Variants in SLC7A14 observed in about 807,000 individuals in gnomAD.
The protein encoded by SLC7A14 is solute carrier family 7 member 14, also known as gamma-aminobutyric acid transporter SLC7A14.
A neutral mutation model predicts 60.2 loss-of-function variants in SLC7A14; 37 were observed. The observed-to-expected ratio is 0.61, with a 90% CI of 0.47 to 0.81. The LOEUF (loss-of-function observed/expected upper bound fraction) is 0.81, where lower values mean the gene tolerates loss of function less well. Ranked by LOEUF, SLC7A14 falls within the 30% of genes least tolerant of loss-of-function variation. SLC7A14 has a pLI of 0.00. For missense variants in SLC7A14, 886 were observed against 982.7 expected, an observed-to-expected ratio of 0.90 and a Z score of 1.32; for synonymous variants, 399 against 395.8, an observed-to-expected ratio of 1.01 and a Z score of -0.10.
rs1203711561 is a variant in SLC7A14, at chr3:170,462,831, C to T, written c.*4224G>A. ...AAGTTGTTAGGTTTAGTTGTTGAAA[C>T]CTATTGTTGAAAACTTTAAAGTGGC... is the stretch of plus-strand genomic sequence containing the variant. On this transcript the variant is annotated 3_prime_UTR_variant, in exon 8 of 8. Transcript: ENST00000231706. 2.0e-5 allele frequency: 3 copies of T among 152,040 alleles called. No individual in the cohort carries two copies. The highest frequency in any genetic ancestry group is 6.6e-5 in the Admixed American group (1 of 15,266). The allele number at this position is 152,040 out of a possible 1,614,324, so 9.4% of individuals were successfully genotyped here.
rs373517688 is a variant in SLC7A14 at position 170,535,098 on chromosome 3, C to T, written c.-152-8010G>A. On this transcript the variant is annotated intron_variant, in intron 1 of 7. Transcript: ENST00000231706. This position sits in a 1 kb window ranked among gnomAD's most constrained non-coding sequence, Gnocchi z 4.3. ...TTTTCCATGGACCTCAGGTCCGGTG[C>T]CTCAGGTCTTTGCTTGGGGCTAGGT... Among the ~76,000 whole-genome samples the T allele has an allele frequency of 8.3e-4, 127 of 152,130 alleles. No individual in the cohort carries two copies. Among genetic ancestry groups the T allele is most frequent in the African/African-American group, 2.8e-3 (118 of 41,504 alleles).
rs183125725 is a variant in SLC7A14, at chr3:170,559,228, T to C, written c.-153+26683A>G. On this transcript the variant is annotated intron_variant, in intron 1 of 7. Coordinates refer to ENST00000231706, the MANE Select transcript of SLC7A14 (RefSeq NM_020949.3). ...TTTTTTCAGGGGACAAAATATAAAA[T>C]GTATTTTTTTTCTGTTTCAGAGAGG... 2.6e-5 allele frequency among the ~76,000 whole-genome samples: 4 copies of C among 152,328 alleles called. No homozygotes were observed. The East Asian group carries it at 7.7e-4, about 29-fold the overall frequency.
At chr3:170,566,914 C>T (rs1212761005) in intron 1 of SLC7A14, among the ~76,000 whole-genome samples, 1 of 152,034 alleles carries the variant, frequency 6.6e-6, no homozygotes, top group Non-Finnish European at 1.5e-5. Context: ...AAATAGACCA[C>T]CCTGAGAGAT....
In SLC7A14 at chr3:170,467,145, C is replaced by T. The variant is rs111687384; in HGVS notation, c.2226G>A (p.Arg742=). ...QQMSDAKANG[R]TSSKAKSKSK... ...TTTTGCTCTTCGCTTTGCTACTTGT[C>T]CGGCCGTTTGCCTTCGCATCTGACA... The change falls in exon 8 of 8, where the codon CGG becomes CGA. Residue 742 remains arginine (R), a synonymous_variant. Transcript: ENST00000231706. The T allele has an allele frequency of 5.7e-3, 9,158 of 1,614,250 alleles. 40 individuals are homozygous for T. The highest frequency in any genetic ancestry group is 6.4e-3 in the Non-Finnish European group (7,515 of 1,180,050).
At chr3:170,577,298 A>G (rs972240677) in intron 1 of SLC7A14, among the ~76,000 whole-genome samples, 41 of 152,214 alleles carry the variant, frequency 2.7e-4, no homozygotes, top group African/African-American at 9.6e-4. Flanking sequence ...CTCCTAGGCC[A>G]TCCCGCTCCC....
At chr3:170,580,250 T>C (rs1377074976) in intron 1 of SLC7A14, among the ~76,000 whole-genome samples, 1 of 152,250 alleles carries the variant, frequency 6.6e-6, no homozygotes, top group Non-Finnish European at 1.5e-5. Flanking sequence ...AAATGGATGA[T>C]TGTATGCTAT....
At chr3:170,521,969 C>T (rs1279466790) in intron 2 of SLC7A14, among the ~76,000 whole-genome samples, 1 of 151,860 alleles carries the variant, frequency 6.6e-6, no homozygotes, top group Non-Finnish European at 1.5e-5. Flanking sequence ...TAAATAGACA[C>T]TTTACCAAGG....
At chr3:170,518,365 A>G (rs1249791867) in intron 2 of SLC7A14, among the ~76,000 whole-genome samples, 1 of 152,148 alleles carries the variant, frequency 6.6e-6, no homozygotes, top group South Asian at 2.1e-4. Flanking sequence ...TTTCTCTATT[A>G]TATGTCTTTT....
chr3:170,485,310 A>G (rs372963178), intron 5 of SLC7A14, among the ~76,000 whole-genome samples: 4 of 152,138 alleles, frequency 2.6e-5, no homozygotes, highest in Admixed American at 6.5e-5. Flanking sequence ...TTAATGATCA[A>G]TTGGTCTGGC....
chr3:170,555,829 T>C (rs1330326725), intron 1 of SLC7A14, among the ~76,000 whole-genome samples: 3 of 152,254 alleles, frequency 2.0e-5, no homozygotes, highest in Non-Finnish European at 2.9e-5. Flanking sequence ...ACATAATTGA[T>C]GTAATTATCC....
chr3:170,495,414 C>T (rs923445066), intron 4 of SLC7A14, among the ~76,000 whole-genome samples: 1 of 152,218 alleles, frequency 6.6e-6, no homozygotes, highest in African/African-American at 2.4e-5. Flanking sequence ...CTGGTTCAGC[C>T]TGCCTGACTC....
chr3:170,480,060 A>G (rs1002504648), intron 7 of SLC7A14, among the ~76,000 whole-genome samples: 1 of 152,214 alleles, frequency 6.6e-6, no homozygotes, highest in African/African-American at 2.4e-5. Context: ...TAATTCAGTA[A>G]AGCGATGGAT....
chr3:170,555,743 T>C (rs918922133), intron 1 of SLC7A14, among the ~76,000 whole-genome samples: 1 of 152,222 alleles, frequency 6.6e-6, no homozygotes, highest in Non-Finnish European at 1.5e-5. Flanking sequence ...AAATATAGTA[T>C]TATAATCTTA....
chr3:170,477,063 G>A (rs796592547), intron 7 of SLC7A14, among the ~76,000 whole-genome samples: 5 of 152,368 alleles, frequency 3.3e-5, no homozygotes, highest in African/African-American at 1.2e-4. Context: ...CCTGTGCACA[G>A]CTGTGTGCCC....
chr3:170,512,242 C>A (rs184341356), intron 2 of SLC7A14, among the ~76,000 whole-genome samples: 1 of 152,182 alleles, frequency 6.6e-6, no homozygotes, highest in Non-Finnish European at 1.5e-5. Context: ...TGAGCCCTCA[C>A]GTGGCCTCCC....
intron 2 of SLC7A14, among the ~76,000 whole-genome samples, chr3:170,512,653 C>CTTTTT (rs1483240298): frequency 6.7e-5 from 5 of 74,726 alleles, no homozygotes; most frequent in East Asian, 3.7e-4. Context: ...GTACAATTTG[C>CTTTTT]ATTTTTTTTT....
intron 1 of SLC7A14, among the ~76,000 whole-genome samples, chr3:170,546,892 T>G (rs1323942996): frequency 6.6e-6 from 1 of 152,244 alleles, no homozygotes; most frequent in African/African-American, 2.4e-5. Context: ...CTTCTTGGTC[T>G]GTCAGGCCAG....
At chr3:170,528,623 T>G (rs1475140579) in intron 1 of SLC7A14, among the ~76,000 whole-genome samples, 1 of 152,160 alleles carries the variant, frequency 6.6e-6, no homozygotes, top group Non-Finnish European at 1.5e-5. Context: ...GGTGACAGCC[T>G]TTCTGGTTTA....
At chr3:170,577,283 T>C (rs1215458889) in intron 1 of SLC7A14, among the ~76,000 whole-genome samples, 1 of 152,208 alleles carries the variant, frequency 6.6e-6, no homozygotes, top group Non-Finnish European at 1.5e-5. Flanking sequence ...AAGCAGATCT[T>C]CTGACTCCTA....
Sources: gnomAD v4.1 joint callset for allele counts (sites outside exome capture counted in the v4.1 genomes callset) on GRCh38, gnomAD v4.1.1 for gene constraint, Gnocchi (gnomAD v3.1) non-coding constraint, MANE v1.5 for transcripts, NCBI Gene and HGNC (gene_info 2026-07-23, HGNC 2026-07-21) for gene names.